The following CDIN1 variants were observed in gnomAD, a reference collection of about 807,000 sequenced individuals.
CDIN1 encodes the protein CDAN1-interacting nuclease 1.
In CDIN1, 33 loss-of-function variants were observed where a neutral mutation model predicts 45.3. That is an observed-to-expected ratio of 0.73 (90% CI 0.55 to 0.97). The LOEUF is 0.97. CDIN1 is among the 50% of genes least tolerant of loss of function. The pLI is 0.00. For synonymous variants in CDIN1, 118 were observed against 124.4 expected, an observed-to-expected ratio of 0.95 and a Z score of 0.34; for missense variants, 303 against 339.4, an observed-to-expected ratio of 0.89 and a Z score of 0.84.
At chr15:36,727,151 A>G (rs1311073448) in intron 10 of CDIN1, among the ~76,000 whole-genome samples, 1 of 152,070 alleles carries the variant, frequency 6.6e-6, no homozygotes, top group Non-Finnish European at 1.5e-5. Flanking sequence ...GACCCAGCTG[A>G]AGCATTTTTG....
In CDIN1 at chr15:36,688,798, G is replaced by A. The variant is rs140633641; in HGVS notation, c.347-2887G>A. ...ATTTCTTTGAGATGGCAGTTCCTAA[G>A]CTTCAGAATCTGTGTGTAAAAGTAG... On this transcript the variant is annotated intron_variant, in intron 5 of 10. Transcript: ENST00000566621. Among the ~76,000 whole-genome samples, 9 of 152,312 alleles carry A rather than the reference G, an allele frequency of 5.9e-5. No homozygotes were observed. The East Asian group carries it at 1.7e-3, about 29-fold the overall frequency.
chr15:36,696,964 A>G (rs2140750601), intron 7 of CDIN1, among the ~76,000 whole-genome samples: 1 of 150,688 alleles, frequency 6.6e-6, no homozygotes. Flanking sequence ...AAAAAAAAAA[A>G]AAAAAAATTA....
At chr15:36,580,036 G>A (rs1453075209) in intron 1 of CDIN1, 75 bp downstream of exon 1, 4 of 1,299,086 alleles carry the variant, frequency 3.1e-6, no homozygotes, top group African/African-American at 2.9e-5. Flanking sequence ...GCAGCGCTTA[G>A]GAACCACGTG....
In CDIN1 at chr15:36,648,427, A is replaced by ATTTTTT. The variant is rs4008147; in HGVS notation, c.212+3157_212+3162dup. On this transcript the variant is annotated intron_variant, in intron 3 of 10. Coordinates refer to ENST00000566621, the MANE Select transcript of CDIN1 (RefSeq NM_001321759.2). ...CGAGCATATATGTTTCCAATATTCTATTTTTTTTTTTTTTTTTTTTTTGAG... is the reference window on the plus strand; with the variant it reads ...CGAGCATATATGTTTCCAATATTCTATTTTTTTTTTTTTTTTTTTTTTTTTTTTGAG... 2.8e-3 allele frequency among the ~76,000 whole-genome samples: 259 copies of ATTTTTT among 91,050 alleles called. 8 individuals carry two copies. The highest frequency in any genetic ancestry group is 3.6e-3 in the Non-Finnish European group (182 of 50,674). 59.7% of individuals were successfully genotyped at this position (91,050 alleles called of 152,430 possible).
At chr15:36,794,258 C>G (rs1034129694) in intron 10 of CDIN1, among the ~76,000 whole-genome samples, 2 of 151,982 alleles carry the variant, frequency 1.3e-5, no homozygotes, top group African/African-American at 2.4e-5. Flanking sequence ...ACGGGTTTCA[C>G]TGTGTTAGCC....
At chr15:36,751,777 G>A (rs1326610825) in intron 10 of CDIN1, among the ~76,000 whole-genome samples, 1 of 152,112 alleles carries the variant, frequency 6.6e-6, no homozygotes, top group East Asian at 1.9e-4. Context: ...AGTGAATAAA[G>A]AAAATGTGGT....
At chr15:36,593,943 A>G (rs1044194203) in intron 1 of CDIN1, among the ~76,000 whole-genome samples, 1 of 152,228 alleles carries the variant, frequency 6.6e-6, no homozygotes, top group Non-Finnish European at 1.5e-5. Context: ...GGTAAACACA[A>G]AGAAGTTGCA....
chr15:36,738,000 A>G (rs566097351), intron 10 of CDIN1, among the ~76,000 whole-genome samples: 4 of 152,314 alleles, frequency 2.6e-5, no homozygotes, highest in Non-Finnish European at 5.9e-5. Context: ...TTTATAGAGT[A>G]CCACACCTTT....
chr15:36,612,146 C>A (rs2038679321), intron 1 of CDIN1, among the ~76,000 whole-genome samples: 1 of 152,170 alleles, frequency 6.6e-6, no homozygotes, highest in Non-Finnish European at 1.5e-5. Context: ...CTTTCATGGC[C>A]ATGGGACTGA....
At chr15:36,676,965 C>T (rs2041670805) in intron 5 of CDIN1, among the ~76,000 whole-genome samples, 1 of 152,130 alleles carries the variant, frequency 6.6e-6, no homozygotes, top group Non-Finnish European at 1.5e-5. Context: ...AAGGTCACTT[C>T]ACATACCTAT....
intron 10 of CDIN1, among the ~76,000 whole-genome samples, chr15:36,739,965 C>CCACATTG (rs1308123696): frequency 6.6e-6 from 1 of 152,136 alleles, no homozygotes; most frequent in Non-Finnish European, 1.5e-5. Flanking sequence ...CTACAGGAAT[C>CCACATTG]CACATTGCTT....
intron 10 of CDIN1, among the ~76,000 whole-genome samples, chr15:36,773,701 C>T (rs1193854681): frequency 6.6e-6 from 1 of 152,230 alleles, no homozygotes; most frequent in East Asian, 1.9e-4. Flanking sequence ...ATTCAAAGAA[C>T]TGTATCTGAC....
intron 1 of CDIN1, among the ~76,000 whole-genome samples, chr15:36,590,960 A>G (rs939536797): frequency 1.3e-5 from 2 of 152,234 alleles, no homozygotes; most frequent in African/African-American, 2.4e-5. Flanking sequence ...CAGCACATTT[A>G]TGAATCAGTG....
At chr15:36,618,110 T>C in intron 1 of CDIN1, 2 of 733,320 alleles carry the variant, frequency 2.7e-6, no homozygotes, top group South Asian at 2.9e-5. Context: ...ACTGGCCCGC[T>C]TTCCCAATGG....
intron 10 of CDIN1, among the ~76,000 whole-genome samples, chr15:36,764,212 TG>T (rs1555405806): frequency 2.1e-4 from 21 of 101,228 alleles, no homozygotes; most frequent in Admixed American, 8.0e-4. Flanking sequence ...TCTGTGGTTT[TG>T]GTTTTTTTTT....
At chr15:36,608,392 G>A (rs74370260) in intron 1 of CDIN1, among the ~76,000 whole-genome samples, 6,920 of 152,050 alleles carry the variant, frequency 0.046, 380 homozygotes, top group African/African-American at 0.13. Flanking sequence ...ATCTCACTGT[G>A]GTTTTGATTT....
At chr15:36,619,371 C>A (rs973525690) in intron 1 of CDIN1, 1 of 391,758 alleles carries the variant, frequency 2.6e-6, no homozygotes, top group East Asian at 4.0e-5. Flanking sequence ...AGGAAGGAAA[C>A]AGGAGAAAGT....
At chr15:36,796,870 A>T (rs749822685) in intron 10 of CDIN1, among the ~76,000 whole-genome samples, 5 of 152,238 alleles carry the variant, frequency 3.3e-5, no homozygotes, top group Non-Finnish European at 7.3e-5. Context: ...CTAACTATAA[A>T]GTTGACCTTT....
At chr15:36,693,248 C>A (rs2042313637) in intron 7 of CDIN1, among the ~76,000 whole-genome samples, 1 of 152,154 alleles carries the variant, frequency 6.6e-6, no homozygotes. Context: ...AGCCCTCTTA[C>A]AAGAATATTC....
Sources: gnomAD v4.1 joint callset for allele counts (sites outside exome capture counted in the v4.1 genomes callset) on GRCh38, gnomAD v4.1.1 for gene constraint, MANE v1.5 for transcripts, NCBI Gene and HGNC (gene_info 2026-07-23, HGNC 2026-07-21) for gene names.